The following TTC23L variants were observed in gnomAD, a reference collection of about 807,000 sequenced individuals.
TTC23L encodes the protein tetratricopeptide repeat domain 23 like, also known as tetratricopeptide repeat protein 23-like.
In TTC23L, 42 loss-of-function variants were observed where a neutral mutation model predicts 48.1. The ratio of observed to expected loss-of-function variants is 0.87; its 90% CI spans 0.68 to 1.13. TTC23L has a LOEUF of 1.13. Among genes scored for constraint, TTC23L ranks in the 50% most tolerant of loss-of-function variants. TTC23L has a pLI of 0.00. For missense variants in TTC23L, 391 were observed against 421.0 expected (o/e 0.93, Z 0.62); for synonymous variants, 159 against 157.2 (o/e 1.01, Z -0.09).
intron 9 of TTC23L, among the ~76,000 whole-genome samples, chr5:34,894,191 A>G (rs1011393131): frequency 2.0e-5 from 3 of 152,288 alleles, no homozygotes; most frequent in Admixed American, 6.5e-5. Flanking sequence ...CTTACACAAA[A>G]TATGTATTTA....
At chr5:34,903,256 T>G (rs1763553884), downstream of TTC23L, among the ~76,000 whole-genome samples, 1 of 152,212 alleles carries the variant, frequency 6.6e-6, no homozygotes, top group Non-Finnish European at 1.5e-5. Flanking sequence ...TCATATAATT[T>G]TAACATCCTT....
At chr5:34,841,290 T>C (rs1001865682) in intron 2 of TTC23L, among the ~76,000 whole-genome samples, 1 of 152,224 alleles carries the variant, frequency 6.6e-6, no homozygotes, top group African/African-American at 2.4e-5. Flanking sequence ...AATAAAACTT[T>C]CGTATCGTCT....
At chr5:34,872,891 C>T (rs147542697) in intron 8 of TTC23L, among the ~76,000 whole-genome samples, 7,323 of 151,968 alleles carry the variant, frequency 0.048, 245 homozygotes, top group South Asian at 0.11. Flanking sequence ...GGTGAAACCG[C>T]GTTTCTACTA....
chr5:34,871,586 T>C (rs1228821556), intron 8 of TTC23L, among the ~76,000 whole-genome samples: 1 of 152,154 alleles, frequency 6.6e-6, no homozygotes, highest in South Asian at 2.1e-4. Flanking sequence ...GAAATTAGGA[T>C]AGCTAAAATG....
At chr5:34,921,175 G>C in the TTC23L span, 1 of 152,136 alleles carries the variant, frequency 6.6e-6, no homozygotes, top group Non-Finnish European at 1.5e-5. Flanking sequence ...AAATAATGTG[G>C]AGTTTAAGAG....
the TTC23L span, chr5:34,919,137 A>AG: frequency 2.0e-5 from 3 of 151,014 alleles, no homozygotes; most frequent in Non-Finnish European, 4.4e-5. Context: ...TAGCCAAGTG[A>AG]GGGGGTCACT....
chr5:34,853,278 C>A (rs924600470), intron 4 of TTC23L, among the ~76,000 whole-genome samples: 1 of 152,128 alleles, frequency 6.6e-6, no homozygotes, highest in Non-Finnish European at 1.5e-5. Context: ...TGCATGTAAT[C>A]CCAGCACTTT....
chr5:34,864,182 C>T (rs1760880641), intron 5 of TTC23L, among the ~76,000 whole-genome samples: 1 of 152,202 alleles, frequency 6.6e-6, no homozygotes, highest in Admixed American at 6.5e-5. Context: ...AGTTTCCGCT[C>T]ACTCCTGCAA....
chr5:34,923,033 A>G, the TTC23L span: 1 of 1,551,966 alleles, frequency 6.4e-7, no homozygotes, highest in South Asian at 1.1e-5. Flanking sequence ...ATGCTTTGTT[A>G]AAAGAACTCT....
intron 8 of TTC23L, among the ~76,000 whole-genome samples, chr5:34,872,117 C>CAA (rs371443637): frequency 2.9e-4 from 37 of 128,788 alleles, no homozygotes; most frequent in East Asian, 1.3e-3. Flanking sequence ...ATCTCTACCA[C>CAA]AAAAAAAAAA....
chr5:34,906,420 C>CT, the TTC23L span: 1 of 152,218 alleles, frequency 6.6e-6, no homozygotes, highest in African/African-American at 2.4e-5. Flanking sequence ...GGGTGGATTG[C>CT]TTGAGCTCAG....
intron 8 of TTC23L, 121 bp downstream of exon 8, chr5:34,869,134 C>T (rs956523651): frequency 1.3e-6 from 1 of 752,454 alleles, no homozygotes; most frequent in African/African-American, 1.8e-5. Flanking sequence ...TTAGGTGGGT[C>T]ACAGTCTCAT....
At chr5:34,856,920 A>G (rs1045583126) in intron 4 of TTC23L, among the ~76,000 whole-genome samples, 1 of 152,240 alleles carries the variant, frequency 6.6e-6, no homozygotes, top group Admixed American at 6.5e-5. Flanking sequence ...GAAGGGAAGC[A>G]ATAGGGACCG....
At chr5:34,885,980 A>T (rs913669480) in intron 9 of TTC23L, among the ~76,000 whole-genome samples, 4 of 152,140 alleles carry the variant, frequency 2.6e-5, no homozygotes, top group Admixed American at 2.6e-4. Context: ...GTTTGAAAAA[A>T]ATTAAAATAA....
chr5:34,905,008 C>T, the TTC23L span, among the ~76,000 whole-genome samples: 1 of 152,204 alleles, frequency 6.6e-6, no homozygotes, highest in Non-Finnish European at 1.5e-5. Context: ...CACACATTTA[C>T]TCTGCTGATT....
intron 2 of TTC23L, among the ~76,000 whole-genome samples, chr5:34,842,799 C>T (rs188825871): frequency 5.3e-4 from 80 of 152,326 alleles, no homozygotes; most frequent in African/African-American, 1.8e-3. Flanking sequence ...ATATCGTCTC[C>T]AGTGGAATGC....
the TTC23L span, chr5:34,916,642 G>A: frequency 6.6e-6 from 1 of 152,222 alleles, no homozygotes; most frequent in Non-Finnish European, 1.5e-5. Flanking sequence ...CTCTTCTTAA[G>A]CTAGACAGAA....
At chr5:34,901,484 C>T (rs531273304), downstream of TTC23L, among the ~76,000 whole-genome samples, 6 of 152,266 alleles carry the variant, frequency 3.9e-5, no homozygotes, top group South Asian at 4.1e-4. Context: ...TGGGGACGGC[C>T]GGGCATGGTG....
chr5:34,893,359 T>G (rs1762993909), intron 9 of TTC23L, among the ~76,000 whole-genome samples: 1 of 152,180 alleles, frequency 6.6e-6, no homozygotes, highest in African/African-American at 2.4e-5. Flanking sequence ...CACAATACAT[T>G]CACCTGGCAA....
Sources: gnomAD v4.1 joint callset for allele counts (sites outside exome capture counted in the v4.1 genomes callset) on GRCh38, gnomAD v4.1.1 for gene constraint, MANE v1.5 for transcripts, NCBI Gene and HGNC (gene_info 2026-07-23, HGNC 2026-07-21) for gene names.